The following ATR variants were observed in gnomAD, a reference collection of about 807,000 sequenced individuals.
The protein encoded by ATR is ATR checkpoint kinase.
In ATR, 142 loss-of-function variants were observed where a neutral mutation model predicts 305.3. The observed-to-expected ratio is 0.47, with a 90% confidence interval of 0.41 to 0.53. The LOEUF (loss-of-function observed/expected upper bound fraction) is 0.53. ATR is among the 20% of genes least tolerant of loss of function. ATR has a pLI of 0.00. For synonymous variants in ATR, 1,050 were observed against 1,068.1 expected, an observed-to-expected ratio of 0.98 and a Z score of 0.33; for missense variants, 2,135 against 3,133.1, an observed-to-expected ratio of 0.68 and a Z score of 7.60.
intron 35 of ATR, among the ~76,000 whole-genome samples, chr3:142,486,344 C>G (rs1191604980): frequency 6.6e-6 from 1 of 152,132 alleles, no homozygotes; most frequent in Non-Finnish European, 1.5e-5. Context: ...GTGGCACATG[C>G]TAGGTTCATG....
chr3:142,509,078 TA>T (rs1003701372), intron 27 of ATR, among the ~76,000 whole-genome samples: 1 of 152,174 alleles, frequency 6.6e-6, no homozygotes, highest in African/African-American at 2.4e-5. Context: ...TTAAAACTTC[TA>T]AATTTTAATG....
intron 29 of ATR, among the ~76,000 whole-genome samples, chr3:142,504,499 G>A (rs1182609742): frequency 6.6e-6 from 1 of 150,650 alleles, no homozygotes; most frequent in Admixed American, 6.6e-5. Flanking sequence ...TTTCACTCAT[G>A]TTGCCCAGGC....
At position 142,459,296 on chromosome 3, in the gene ATR, A is replaced by C; in HGVS notation, c.7280T>G (p.Phe2427Cys). 6.2e-7 allele frequency: 1 copy of C among 1,613,990 alleles called. No homozygotes were observed. Among genetic ancestry groups the C allele is most frequent in the East Asian group, 2.2e-5 (1 of 44,864 alleles). Residue 2427 changes from phenylalanine to cysteine, a missense_variant, in exon 43 of 47, where the codon TTT (phenylalanine) becomes TGT (cysteine). Phe to Cys is a radical substitution (Grantham distance 205). Around this residue, in one of 9 missense-constraint regions of ATR, gnomAD observed 462 missense variants for 887.6 expected, o/e 0.52. Coordinates refer to ENST00000350721, the MANE Select transcript of ATR (RefSeq NM_001184.4). The part of the protein sequence containing the change: ...LSEKLKVFRE[F>C]LLPRHPPIFH... ...AATAGGAGGATGCCTGGGCAGGAGA[A>C]ATTCTCGGAATACTTTGAGTTTTTC... is the stretch of plus-strand genomic sequence containing the variant.
intron 21 of ATR, among the ~76,000 whole-genome samples, chr3:142,530,209 A>AG (rs2033584112): frequency 6.6e-6 from 1 of 151,974 alleles, no homozygotes; most frequent in Non-Finnish European, 1.5e-5. Flanking sequence ...TCTCCCCTGT[A>AG]GTTCTTGTAA....
At chr3:142,518,963 A>T (rs1245187777) in intron 24 of ATR, among the ~76,000 whole-genome samples, 1 of 152,190 alleles carries the variant, frequency 6.6e-6, no homozygotes, top group Non-Finnish European at 1.5e-5. Flanking sequence ...CATGAGGAGA[A>T]ATTGGGAGTA....
At chr3:142,480,485 C>CA (rs764782076) in intron 36 of ATR, among the ~76,000 whole-genome samples, 7 of 152,230 alleles carry the variant, frequency 4.6e-5, no homozygotes, top group Non-Finnish European at 8.8e-5. Flanking sequence ...TGTGAGGTGT[C>CA]AGTCTGCCCC....
At chr3:142,545,750 G>A (rs755440139) in intron 16 of ATR, among the ~76,000 whole-genome samples, 6 of 152,118 alleles carry the variant, frequency 3.9e-5, no homozygotes, top group Non-Finnish European at 8.8e-5. Flanking sequence ...ATATTTTGGA[G>A]AGACTTGATA....
intron 31 of ATR, chr3:142,499,035 C>T: frequency 2.0e-6 from 1 of 504,460 alleles, no homozygotes; most frequent in East Asian, 3.6e-5. Flanking sequence ...AGCCACCATG[C>T]CCAGCTAAGT....
chr3:142,527,127 A>G (rs116512652), intron 21 of ATR, among the ~76,000 whole-genome samples: 2 of 152,108 alleles, frequency 1.3e-5, no homozygotes, highest in Non-Finnish European at 2.9e-5. Flanking sequence ...TTGTTTGATA[A>G]TATTTCATTT....
At chr3:142,517,334 T>C (rs531941873) in intron 24 of ATR, among the ~76,000 whole-genome samples, 1 of 126,232 alleles carries the variant, frequency 7.9e-6, no homozygotes, top group African/African-American at 3.5e-5. Flanking sequence ...AGTGATTATA[T>C]ATAAAGAGCC....
At chr3:142,553,139 A>G (rs2034537594) in intron 13 of ATR, 88 bp downstream of exon 13, 1 of 1,483,806 alleles carries the variant, frequency 6.7e-7, no homozygotes, top group East Asian at 2.3e-5. Flanking sequence ...AAAGCAAGCA[A>G]AATAAAACAT....
At chr3:142,570,378 T>G (rs1367284441) in intron 1 of ATR, among the ~76,000 whole-genome samples, 1 of 152,154 alleles carries the variant, frequency 6.6e-6, no homozygotes, top group Non-Finnish European at 1.5e-5. Flanking sequence ...TATGTTCCCT[T>G]ATTTTTATTT....
intron 30 of ATR, among the ~76,000 whole-genome samples, chr3:142,500,577 G>A (rs1249269347): frequency 2.0e-5 from 3 of 152,118 alleles, no homozygotes; most frequent in Admixed American, 1.3e-4. Context: ...AAGTAACAGA[G>A]AGGCTGGAAT....
At position 142,549,461 on chromosome 3, in the gene ATR, A is replaced by T; in HGVS notation, c.3171+18T>A. ...TAATTTATATAAAAAAGTAAAATAT[A>T]TAGAAATATTCAATTACCTTCAGAT... On this transcript the variant is annotated intron_variant, in intron 15 of 46. Coordinates refer to ENST00000350721, the MANE Select transcript of ATR (RefSeq NM_001184.4). 6.7e-7 allele frequency: 1 copy of T among 1,490,794 alleles called. No homozygotes were observed. Among genetic ancestry groups the T allele is most frequent in the Non-Finnish European group, 9.0e-7 (1 of 1,108,928 alleles). 92.3% of individuals were successfully genotyped at this position (1,490,794 alleles called of 1,614,324 possible).
intron 36 of ATR, among the ~76,000 whole-genome samples, chr3:142,471,578 G>A (rs2071267276): frequency 6.6e-6 from 1 of 151,908 alleles, no homozygotes; most frequent in Non-Finnish European, 1.5e-5. Flanking sequence ...TTTTAAAGGT[G>A]CACAACATAA....
Position 142,493,053 on chromosome 3 carries a change from C to G in ATR, c.6078+79G>C, listed in dbSNP as rs1222006444. 1.3e-5 allele frequency: 19 copies of G among 1,484,892 alleles called. 1 individual carries two copies. In the Admixed American group the frequency reaches 3.9e-4, roughly 31 times the overall value. The allele number at this position is 1,484,892 out of a possible 1,614,324, so 92.0% of individuals were successfully genotyped here. A position where few individuals can be genotyped will look rare whatever the true frequency, so the allele number is the denominator to read the frequency against. On this transcript the variant is annotated intron_variant, in intron 35 of 46. Coordinates refer to ENST00000350721, the MANE Select transcript of ATR (RefSeq NM_001184.4). Reference sequence around the variant, plus strand: ...AAAAAATTTCCTGGTTATTTTTATACATGTGCTTTGCCATATAGACTTAAG... The same window carrying G: ...AAAAAATTTCCTGGTTATTTTTATAGATGTGCTTTGCCATATAGACTTAAG...
rs375623709 is a variant in ATR at position 142,561,281 on chromosome 3, A to G, written c.1311T>C (p.Ser437=). ...ISPKRRRLSS[S]LNPSKRAPKQ... Reference sequence around the variant, plus strand: ...TTGGTGCTCTTTTAGAAGGGTTTAGAGACGAGCTGAGACGACGCCTTTTGG... The same window carrying G: ...TTGGTGCTCTTTTAGAAGGGTTTAGGGACGAGCTGAGACGACGCCTTTTGG... The change falls in exon 5 of 47, where the codon TCT becomes TCC. Residue 437 remains serine (S), a synonymous_variant. Coordinates refer to ENST00000350721, the MANE Select transcript of ATR (RefSeq NM_001184.4). 4.3e-6 allele frequency: 7 copies of G among 1,613,988 alleles called. No homozygotes were observed. Among genetic ancestry groups the G allele is most frequent in the Non-Finnish European group, 5.9e-6 (7 of 1,180,002 alleles).
intron 21 of ATR, among the ~76,000 whole-genome samples, chr3:142,531,170 G>A (rs2033623843): frequency 1.3e-5 from 2 of 152,054 alleles, no homozygotes; most frequent in African/African-American, 4.8e-5. Flanking sequence ...TATTTCAGGG[G>A]CTACACAGAA....
In ATR at chr3:142,556,101, T is replaced by C; in HGVS notation, c.2117A>G (p.Glu706Gly). The stretch of plus-strand genomic sequence containing the variant: ...AAGTTGACCAAGTATAGAAGCAAAT[T>C]CTTTCTTGACAATGTCAGAATCATC... Reference protein sequence around the residue: ...VKDDSDIVKKEFASILGQLVC... With the variant: ...VKDDSDIVKKGFASILGQLVC... The change falls in exon 10 of 47, where the codon GAA becomes GGA. Residue 706 changes from glutamate (E) to glycine (G), a missense_variant. By Grantham distance (98) the Glu-to-Gly change is moderately conservative. This residue lies in a region of ATR where 744 missense variants were observed against 873.2 expected (regional missense o/e 0.85). Transcript: ENST00000350721. 2 of 1,613,192 alleles carry C rather than the reference T, an allele frequency of 1.2e-6. No individual in the cohort carries two copies. The highest frequency in any genetic ancestry group is 1.7e-6 in the Non-Finnish European group (2 of 1,179,738).
Sources: gnomAD v4.1 joint callset for allele counts (sites outside exome capture counted in the v4.1 genomes callset) on GRCh38, gnomAD v4.1.1 for gene constraint, gnomAD v4.1.1 regional missense constraint, MANE v1.5 for transcripts, NCBI Gene and HGNC (gene_info 2026-07-23, HGNC 2026-07-21) for gene names.